The following XRCC4 variants were observed in gnomAD, a reference collection of about 807,000 sequenced individuals.
XRCC4 encodes the protein DNA repair protein XRCC4.
Under a neutral mutation model 39.1 loss-of-function variants are expected in XRCC4, and 28 were observed. The ratio of observed to expected loss-of-function variants is 0.72; its 90% confidence interval spans 0.53 to 0.98. The LOEUF is 0.98. Ranked by LOEUF, XRCC4 falls within the 50% of genes least tolerant of loss-of-function variation. The probability of loss-of-function intolerance (pLI) is 0.00; values close to 1 mark genes in which losing one functional copy is unlikely to be tolerated. For missense variants in XRCC4, 350 were observed against 376.4 expected, an observed-to-expected ratio of 0.93 and a Z score of 0.58; for synonymous variants, 123 against 126.4, an observed-to-expected ratio of 0.97 and a Z score of 0.18.
At chr5:83,161,320 CAG>C (rs545603521) in intron 3 of XRCC4, among the ~76,000 whole-genome samples, 28 of 152,054 alleles carry the variant, frequency 1.8e-4, no homozygotes, top group Non-Finnish European at 3.5e-4. Flanking sequence ...TTAGTAGAGA[CAG>C]AGTTTCACCT....
At chr5:83,280,977 T>G (rs1754516741) in intron 7 of XRCC4, among the ~76,000 whole-genome samples, 1 of 152,208 alleles carries the variant, frequency 6.6e-6, no homozygotes, top group Non-Finnish European at 1.5e-5. Flanking sequence ...CGCTACATGA[T>G]AGCTATAGGA....
intron 6 of XRCC4, among the ~76,000 whole-genome samples, chr5:83,216,116 A>G (rs1751849054): frequency 6.6e-6 from 1 of 152,226 alleles, no homozygotes; most frequent in Non-Finnish European, 1.5e-5. Context: ...CAACTCAATA[A>G]TAAGAAAATA....
At chr5:83,148,966 AAAG>A (rs1374466077) in intron 3 of XRCC4, among the ~76,000 whole-genome samples, 31 of 152,302 alleles carry the variant, frequency 2.0e-4, no homozygotes, top group African/African-American at 7.0e-4. Flanking sequence ...CTACCAGCAA[AAAG>A]AAGAGCTTAT....
chr5:83,221,504 C>A (rs1201817977), intron 6 of XRCC4, among the ~76,000 whole-genome samples: 1 of 151,990 alleles, frequency 6.6e-6, no homozygotes, highest in African/African-American at 2.4e-5. Flanking sequence ...TTATTAAAAT[C>A]CTGTAGTTGA....
At chr5:83,302,669 T>G (rs1157110909) in intron 7 of XRCC4, among the ~76,000 whole-genome samples, 2 of 152,196 alleles carry the variant, frequency 1.3e-5, no homozygotes, top group African/African-American at 4.8e-5. Flanking sequence ...ATTTTATGTT[T>G]AATAGAAAAC....
intron 3 of XRCC4, among the ~76,000 whole-genome samples, chr5:83,144,477 A>G (rs1748344669): frequency 6.7e-6 from 1 of 149,754 alleles, no homozygotes; most frequent in Admixed American, 6.7e-5. Flanking sequence ...TGCATATACC[A>G]TATTTTCTTT....
intron 7 of XRCC4, among the ~76,000 whole-genome samples, chr5:83,341,329 C>T (rs1018638020): frequency 6.6e-6 from 1 of 152,134 alleles, no homozygotes; most frequent in Non-Finnish European, 1.5e-5. Flanking sequence ...CACATACACA[C>T]ACATACACAC....
intron 7 of XRCC4, among the ~76,000 whole-genome samples, chr5:83,279,466 G>T (rs975976456): frequency 1.3e-5 from 2 of 152,128 alleles, no homozygotes; most frequent in Non-Finnish European, 2.9e-5. Flanking sequence ...CATTAACAGT[G>T]TTTTTAAGTC....
intron 3 of XRCC4, among the ~76,000 whole-genome samples, chr5:83,129,332 T>C (rs1232569073): frequency 1.3e-5 from 2 of 151,790 alleles, no homozygotes; most frequent in African/African-American, 4.8e-5. Context: ...TCCATTGGTC[T>C]ATACCTCTGT....
intron 7 of XRCC4, among the ~76,000 whole-genome samples, chr5:83,341,041 A>G (rs562863601): frequency 6.6e-6 from 1 of 152,272 alleles, no homozygotes; most frequent in South Asian, 2.1e-4. Flanking sequence ...AAGGTAATAC[A>G]GCCTATTCCA....
chr5:83,373,101 G>A, the XRCC4 span, among the ~76,000 whole-genome samples: 1 of 152,024 alleles, frequency 6.6e-6, no homozygotes, highest in East Asian at 2.0e-4. Context: ...TGAAAAAAGG[G>A]AGGCGGAAAT....
chr5:83,180,581 T>C (rs939934396), intron 3 of XRCC4, among the ~76,000 whole-genome samples: 4 of 152,164 alleles, frequency 2.6e-5, no homozygotes, highest in Non-Finnish European at 5.9e-5. Flanking sequence ...CTTTATATTC[T>C]TGGTAACAAT....
At chr5:83,236,674 C>T (rs1752702599) in intron 6 of XRCC4, among the ~76,000 whole-genome samples, 1 of 151,730 alleles carries the variant, frequency 6.6e-6, no homozygotes, top group Admixed American at 6.6e-5. Flanking sequence ...TTGCATAAGA[C>T]CTCAAAAGCA....
At chr5:83,338,508 T>G (rs529934784) in intron 7 of XRCC4, among the ~76,000 whole-genome samples, 4 of 152,204 alleles carry the variant, frequency 2.6e-5, no homozygotes, top group Admixed American at 6.5e-5. Context: ...AACATTAATT[T>G]TATTAAATGT....
At chr5:83,362,656 G>T in the XRCC4 span, among the ~76,000 whole-genome samples, 1 of 151,980 alleles carries the variant, frequency 6.6e-6, no homozygotes, top group South Asian at 2.1e-4. Flanking sequence ...TTCTCTCTTG[G>T]TTTAAGTTTT....
At chr5:83,139,161 T>C (rs981594163) in intron 3 of XRCC4, among the ~76,000 whole-genome samples, 1 of 152,144 alleles carries the variant, frequency 6.6e-6, no homozygotes, top group Admixed American at 6.5e-5. Context: ...GTCTCTTTAG[T>C]TTTTTACAGT....
At chr5:83,202,296 A>G (rs1190808037) in intron 4 of XRCC4, among the ~76,000 whole-genome samples, 1 of 152,230 alleles carries the variant, frequency 6.6e-6, no homozygotes, top group Non-Finnish European at 1.5e-5. Context: ...CATCTGTCGA[A>G]TGCTAAACAC....
chr5:83,174,349 G>A (rs1317780567), intron 3 of XRCC4, among the ~76,000 whole-genome samples: 2 of 151,880 alleles, frequency 1.3e-5, no homozygotes. Flanking sequence ...AATTTTTTTT[G>A]AAGAGTCGTT....
intron 1 of XRCC4, among the ~76,000 whole-genome samples, chr5:83,079,666 G>A (rs13163743): frequency 0.18 from 27,124 of 151,886 alleles, 2,989 homozygotes; most frequent in Non-Finnish European, 0.25. Context: ...CCCAGTAACC[G>A]GGACCATGGT....
Sources: allele counts gnomAD v4.1 joint callset (sites outside exome capture counted in the v4.1 genomes callset), GRCh38; gene constraint gnomAD v4.1.1; transcripts MANE v1.5; gene names NCBI Gene and HGNC (gene_info 2026-07-23, HGNC 2026-07-21).